ALDH1L1: variants seen among roughly 807,000 people sequenced by gnomAD.
ALDH1L1 encodes cytosolic 10-formyltetrahydrofolate dehydrogenase.
A neutral mutation model predicts 101.1 loss-of-function variants in ALDH1L1; 68 were observed. That is an observed-to-expected ratio of 0.67 (90% CI 0.55 to 0.82). The LOEUF (loss-of-function observed/expected upper bound fraction) is 0.82, where lower values mean the gene tolerates loss of function less well. Ranked by LOEUF, ALDH1L1 falls within the 40% of genes least tolerant of loss-of-function variation. ALDH1L1 has a pLI of 0.00. For missense variants in ALDH1L1, 1,087 were observed against 1,172.7 expected (o/e 0.93, Z 1.07); for synonymous variants, 486 against 470.8 (o/e 1.03, Z -0.42).
chr3:126,107,295 T>C (rs762604785), intron 20 of ALDH1L1, 49 bp from the exon 21 acceptor site: 13 of 1,483,070 alleles, frequency 8.8e-6, no homozygotes, highest in Non-Finnish European at 1.1e-5. Flanking sequence ...CGGTGCCCGA[T>C]GGTCCAGCCT....
rs1258273780 is a variant in ALDH1L1 at position 126,146,925 on chromosome 3, C to G, written c.986G>C (p.Ser329Thr). Residue 329 changes from serine to threonine, a missense_variant and splice_region_variant, in exon 9 of 23, where the codon AGT becomes ACT. By Grantham distance (58) the Ser-to-Thr change is moderately conservative (BLOSUM62 1). Transcript: ENST00000393434. Reference sequence around the variant, plus strand: ...TTTGGGGAGGATCCGCTGCCAAACACTCTGCAAAGCAAGACCTGATGAGAG... The same window carrying G: ...TTTGGGGAGGATCCGCTGCCAAACAGTCTGCAAAGCAAGACCTGATGAGAG... ...AELVTAEAVR[S>T]VWQRILPKVL... The G allele has an allele frequency of 6.2e-7, 1 of 1,613,312 alleles. No homozygotes were observed. The highest frequency in any genetic ancestry group is 1.3e-5 in the African/African-American group (1 of 74,930).
At chr3:126,106,048 G>T in intron 21 of ALDH1L1, 123 bp from the exon 22 acceptor site, 2 of 1,051,768 alleles carry the variant, frequency 1.9e-6, no homozygotes, top group Non-Finnish European at 2.7e-6. Context: ...AATGTGCCGG[G>T]CTGCAGCGCC....
intron 1 of ALDH1L1, among the ~76,000 whole-genome samples, chr3:126,172,017 A>G (rs1367204004): frequency 6.6e-6 from 1 of 152,218 alleles, no homozygotes; most frequent in Non-Finnish European, 1.5e-5. Context: ...GGGTAGACAA[A>G]AACAAGAAGA....
intron 17 of ALDH1L1, among the ~76,000 whole-genome samples, chr3:126,116,776 T>G (rs771422774): frequency 2.7e-4 from 41 of 152,176 alleles, no homozygotes; most frequent in Non-Finnish European, 5.0e-4. Context: ...TCCCAGCTTG[T>G]CAGTGATGGA....
At position 126,153,450 on chromosome 3, in the gene ALDH1L1, G is replaced by T. The variant is rs16837178; in HGVS notation, c.852C>A (p.Asp284Glu). The T allele has an allele frequency of 6.2e-7, 1 of 1,613,806 alleles. No individual in the cohort carries two copies. Among genetic ancestry groups the T allele is most frequent in the East Asian group, 2.2e-5 (1 of 44,882 alleles). Residue 284 changes from aspartate to glutamate, a missense_variant, in exon 7 of 23, where the codon GAC (aspartate) becomes GAA (glutamate). Around this residue, in one of 2 missense-constraint regions of ALDH1L1, gnomAD observed 645 missense variants for 637.0 expected, o/e 1.01. Transcript: ENST00000393434. ...CCCACAGCCGTGCCCTTACCATTTT[G>T]TCATCATTCCCAAAGAGGATGAGTC... is the stretch of plus-strand genomic sequence containing the variant. ...KAGLILFGNDDKMLLVKNIQL... is the reference protein window; with the variant it reads ...KAGLILFGNDEKMLLVKNIQL...
chr3:126,171,117 TG>T (rs1262266949), intron 1 of ALDH1L1, among the ~76,000 whole-genome samples: 1 of 152,026 alleles, frequency 6.6e-6, no homozygotes, highest in African/African-American at 2.4e-5. Flanking sequence ...GCTAACACGG[TG>T]AAACCCCGTC....
chr3:126,191,741 GA>G (rs1451225396), intron 1 of ALDH1L1, among the ~76,000 whole-genome samples: 3 of 152,300 alleles, frequency 2.0e-5, no homozygotes, highest in African/African-American at 4.8e-5. Flanking sequence ...TCATGCCTTA[GA>G]GTGAAACTTT....
At chr3:126,158,297 T>G in intron 3 of ALDH1L1, 108 bp downstream of exon 3, 1 of 1,106,864 alleles carries the variant, frequency 9.0e-7, no homozygotes, top group Non-Finnish European at 1.3e-6. Flanking sequence ...ACCTGCACGA[T>G]GCCCACTCTG....
chr3:126,159,660 G>A (rs1576474557), intron 2 of ALDH1L1: 1 of 393,916 alleles, frequency 2.5e-6, no homozygotes, highest in Non-Finnish European at 5.1e-6. Context: ...TACTGCTTCA[G>A]GACATCTGAG....
chr3:126,175,845 T>C (rs2081356955), intron 1 of ALDH1L1, among the ~76,000 whole-genome samples: 1 of 152,056 alleles, frequency 6.6e-6, no homozygotes, highest in Non-Finnish European at 1.5e-5. Context: ...CTGGCTAATG[T>C]AATTAGAAAA....
At chr3:126,119,057 C>T (rs570803613) in intron 16 of ALDH1L1, among the ~76,000 whole-genome samples, 8 of 152,268 alleles carry the variant, frequency 5.3e-5, no homozygotes, top group Admixed American at 1.3e-4. Context: ...CCTCCTAATT[C>T]GACTCTTACT....
chr3:126,144,648 C>T (rs1434512592), intron 9 of ALDH1L1, among the ~76,000 whole-genome samples: 2 of 152,200 alleles, frequency 1.3e-5, no homozygotes, highest in African/African-American at 2.4e-5. Context: ...TGGATGTCCA[C>T]ATGCAAAATA....
At position 126,153,325 on chromosome 3, in the gene ALDH1L1, T is replaced by C. The variant is rs748802782; in HGVS notation, c.858+119A>G. ...ACAAATCAGGGTCAGTGTTCCTTCC[T>C]GGGTCTGGTTTTTTCCATTTTCTCC... On this transcript the variant is annotated intron_variant, in intron 7 of 22. Coordinates refer to ENST00000393434, the MANE Select transcript of ALDH1L1 (RefSeq NM_012190.4). 9.9e-6 allele frequency: 15 copies of C among 1,509,846 alleles called. No homozygotes were observed. In the East Asian group the frequency reaches 3.2e-4, roughly 32 times the overall value. 93.5% of individuals were successfully genotyped at this position (1,509,846 alleles called of 1,614,324 possible).
Position 126,158,590 on chromosome 3 carries a change from C to T in ALDH1L1, c.177G>A (p.Trp59Ter). 1.2e-6 allele frequency: 2 copies of T among 1,614,118 alleles called. No homozygotes were observed. The highest frequency in any genetic ancestry group is 1.7e-6 in the Non-Finnish European group (2 of 1,179,922). Residue 59 changes from tryptophan to a stop codon, truncating the protein, a stop_gained, in exon 3 of 23, where the codon TGG becomes TGA. Coordinates refer to ENST00000393434, the MANE Select transcript of ALDH1L1 (RefSeq NM_012190.4). LOFTEE classifies it high-confidence loss of function. Reference protein sequence around the residue: ...DGVPVFKYSRWRAKGQALPDV... With the variant: ...DGVPVFKYSR ...CAGGCAAAGCCTGTCCTTTTGCACG[C>T]CACCGGGAGTACTTGAATACCGGCA...
In ALDH1L1 at chr3:126,153,293, G is replaced by A. The variant is rs149524705; in HGVS notation, c.858+151C>T. 6.2e-4 allele frequency: 766 copies of A among 1,233,194 alleles called. 6 individuals carry two copies. The African/African-American group carries it at 9.7e-3, about 16-fold the overall frequency. The allele number at this position is 1,233,194 out of a possible 1,614,324, so 76.4% of individuals were successfully genotyped here. ...CCCTGTGCTCAGGACCAGCCGGGTGGTCAGGGACAAATCAGGGTCAGTGTT... is the reference window on the plus strand; with the variant it reads ...CCCTGTGCTCAGGACCAGCCGGGTGATCAGGGACAAATCAGGGTCAGTGTT... On this transcript the variant is annotated intron_variant, in intron 7 of 22. Coordinates refer to ENST00000393434, the MANE Select transcript of ALDH1L1 (RefSeq NM_012190.4).
At chr3:126,118,887 C>A (rs2080027236) in intron 16 of ALDH1L1, among the ~76,000 whole-genome samples, 1 of 152,128 alleles carries the variant, frequency 6.6e-6, no homozygotes, top group Non-Finnish European at 1.5e-5. Context: ...CCGAGCCACG[C>A]CCTGCACAAA....
intron 1 of ALDH1L1, among the ~76,000 whole-genome samples, chr3:126,162,076 GAT>G (rs761484910): frequency 1.3e-5 from 2 of 152,096 alleles, no homozygotes; most frequent in East Asian, 1.9e-4. Context: ...AGAGTATTTT[GAT>G]ATGTGGATGA....
upstream of ALDH1L1, chr3:126,180,700 G>C: frequency 7.2e-7 from 1 of 1,386,782 alleles, no homozygotes; most frequent in African/African-American, 1.5e-5. Flanking sequence ...GACTATGGCG[G>C]GAGCGCAGCG....
At chr3:126,163,707 T>C (rs954360042) in intron 1 of ALDH1L1, among the ~76,000 whole-genome samples, 14 of 152,224 alleles carry the variant, frequency 9.2e-5, no homozygotes, top group Non-Finnish European at 1.5e-4. Context: ...ATCATAATGA[T>C]TGATTTTTAA....
Sources: gnomAD v4.1 joint callset for allele counts (sites outside exome capture counted in the v4.1 genomes callset) on GRCh38, gnomAD v4.1.1 for gene constraint, gnomAD v4.1.1 regional missense constraint, MANE v1.5 for transcripts, NCBI Gene and HGNC (gene_info 2026-07-23, HGNC 2026-07-21) for gene names.